CCDC57: variants seen among roughly 807,000 people sequenced by gnomAD.
The protein encoded by CCDC57 is coiled-coil domain-containing protein 57.
In CCDC57, 118 loss-of-function variants were observed where a neutral mutation model predicts 118.9. That is an observed-to-expected ratio of 0.99 (90% CI 0.86 to 1.16). The LOEUF is 1.16. Ranked by LOEUF, CCDC57 falls within the 50% of genes most tolerant of loss-of-function variation. CCDC57 has a pLI of 0.00. For synonymous variants in CCDC57, 527 were observed against 532.9 expected, an observed-to-expected ratio of 0.99 and a Z score of 0.15; for missense variants, 1,300 against 1,320.7, an observed-to-expected ratio of 0.98 and a Z score of 0.24.
At chr17:82,146,189 C>G (rs2040711656) in intron 16 of CCDC57, among the ~76,000 whole-genome samples, 2 of 152,118 alleles carry the variant, frequency 1.3e-5, no homozygotes, top group African/African-American at 2.4e-5. Flanking sequence ...CTGCTCAGCC[C>G]CCTGGCTGGA....
intron 19 of CCDC57, among the ~76,000 whole-genome samples, chr17:82,119,830 C>G (rs116616282): frequency 1.3e-5 from 2 of 152,074 alleles, no homozygotes; most frequent in African/African-American, 4.8e-5. Context: ...GTCATAAAAA[C>G]GCAGGTGAGA....
intron 19 of CCDC57, among the ~76,000 whole-genome samples, chr17:82,115,855 T>A (rs1463045499): frequency 7.4e-6 from 1 of 135,420 alleles, no homozygotes; most frequent in Non-Finnish European, 1.6e-5. Flanking sequence ...TGGAGTGCAG[T>A]GGTAAGATCT....
At chr17:82,174,768 T>A (rs780648977) in intron 11 of CCDC57, among the ~76,000 whole-genome samples, 2 of 152,272 alleles carry the variant, frequency 1.3e-5, no homozygotes, top group Non-Finnish European at 2.9e-5. Context: ...TTAAATTGTT[T>A]ATCGCTCTGT....
intron 19 of CCDC57, among the ~76,000 whole-genome samples, chr17:82,107,017 C>A (rs2034895072): frequency 6.6e-6 from 1 of 152,202 alleles, no homozygotes; most frequent in South Asian, 2.1e-4. Context: ...TGTCTCAGGG[C>A]TGCTCCCTGC....
chr17:82,204,055 G>T (rs950461927), intron 2 of CCDC57, among the ~76,000 whole-genome samples: 1 of 152,182 alleles, frequency 6.6e-6, no homozygotes, highest in Non-Finnish European at 1.5e-5. Context: ...CTGGTCAGCA[G>T]GGCACACCCG....
At chr17:82,104,748 C>A in intron 19 of CCDC57, 1 of 152,198 alleles carries the variant, frequency 6.6e-6, no homozygotes, top group East Asian at 1.9e-4. Context: ...ACCATGTTAA[C>A]CAGGATGGTC....
intron 9 of CCDC57, 34 bp downstream of exon 8, chr17:82,183,740 C>A (rs1326626189): frequency 1.3e-6 from 2 of 1,545,062 alleles, no homozygotes; most frequent in Admixed American, 4.0e-5. Flanking sequence ...CCATAGGAGA[C>A]CCTCAATGGA....
intron 13 of CCDC57, among the ~76,000 whole-genome samples, chr17:82,165,504 G>A (rs916062931): frequency 1.1e-4 from 16 of 151,538 alleles, no homozygotes; most frequent in Admixed American, 3.3e-4. Flanking sequence ...AAAAAAGGCC[G>A]AAGAGAAGCT....
At chr17:82,134,743 G>A (rs546441593) in intron 16 of CCDC57, among the ~76,000 whole-genome samples, 2 of 152,052 alleles carry the variant, frequency 1.3e-5, no homozygotes, top group Non-Finnish European at 2.9e-5. Flanking sequence ...GCAGCGAGCC[G>A]AGATCATGCC....
At chr17:82,115,470 C>T (rs2035764027) in intron 19 of CCDC57, among the ~76,000 whole-genome samples, 1 of 152,086 alleles carries the variant, frequency 6.6e-6, no homozygotes, top group Non-Finnish European at 1.5e-5. Flanking sequence ...AATTATGCGA[C>T]CTTAGGATAC....
At chr17:82,194,109 G>C in exon 6 of CCDC57, 1 of 1,613,940 alleles carries the variant, frequency 6.2e-7, no homozygotes, top group Non-Finnish European at 8.5e-7. Context: ...GCTTCCTTCA[G>C]AGCCTCCAGC....
At chr17:82,206,886 G>GCT (rs2049721270) in intron 2 of CCDC57, among the ~76,000 whole-genome samples, 1 of 152,176 alleles carries the variant, frequency 6.6e-6, no homozygotes, top group Non-Finnish European at 1.5e-5. Context: ...TAACCTCCAA[G>GCT]CTCTCCTTGT....
chr17:82,127,802 T>G (rs2145244075), exon 19 of CCDC57: 2 of 1,613,058 alleles, frequency 1.2e-6, no homozygotes, highest in East Asian at 2.2e-5. Flanking sequence ...GCTGTGGGAT[T>G]GGCGACCATG....
intron 14 of CCDC57, among the ~76,000 whole-genome samples, chr17:82,158,210 T>C (rs574359783): frequency 3.9e-5 from 6 of 152,294 alleles, no homozygotes; most frequent in East Asian, 1.9e-4. Flanking sequence ...AATCCGTGCA[T>C]GGACTGAGGC....
chr17:82,194,086 A>G, exon 6 of CCDC57: 2 of 1,613,978 alleles, frequency 1.2e-6, no homozygotes, highest in Non-Finnish European at 1.7e-6. Context: ...GACTCTCTGC[A>G]GCCTTTGCCC....
intron 17 of CCDC57, among the ~76,000 whole-genome samples, 197 bp downstream of exon 16, chr17:82,133,876 T>C (rs923920176): frequency 7.8e-6 from 1 of 128,348 alleles, no homozygotes; most frequent in Non-Finnish European, 1.7e-5. Flanking sequence ...AACAAACAAA[T>C]GAGAACCAAA....
At chr17:82,109,576 G>A (rs1440550743) in intron 19 of CCDC57, among the ~76,000 whole-genome samples, 2 of 152,160 alleles carry the variant, frequency 1.3e-5, no homozygotes, top group Non-Finnish European at 2.9e-5. Context: ...ATAAAGATCC[G>A]GCCAGGCGCG....
exon 15 of CCDC57, chr17:82,157,900 G>T: frequency 6.4e-7 from 1 of 1,567,894 alleles, no homozygotes. Context: ...TCCACCTCAC[G>T]GGGAAGCTCA....
intron 3 of CCDC57, among the ~76,000 whole-genome samples, chr17:82,200,972 T>C (rs2048925998): frequency 6.6e-6 from 1 of 152,184 alleles, no homozygotes; most frequent in Non-Finnish European, 1.5e-5. Context: ...CCTGCGGTAC[T>C]TCTGAAGTGG....
Sources: allele counts gnomAD v4.1 joint callset (sites outside exome capture counted in the v4.1 genomes callset), GRCh38; gene constraint gnomAD v4.1.1; transcripts MANE v1.5; gene names NCBI Gene and HGNC (gene_info 2026-07-23, HGNC 2026-07-21).